The following RAB5IF variants were observed in gnomAD, a reference collection of about 807,000 sequenced individuals.
The protein encoded by RAB5IF is RAB5 interacting factor.
In RAB5IF, 15 loss-of-function variants were observed where a neutral mutation model predicts 20.3. The observed-to-expected ratio is 0.74, with a 90% CI of 0.50 to 1.14. RAB5IF has a LOEUF of 1.14. Ranked by LOEUF, RAB5IF falls within the 50% of genes most tolerant of loss-of-function variation. The pLI is 0.00. For missense variants in RAB5IF, 148 were observed against 159.5 expected, an observed-to-expected ratio of 0.93 and a Z score of 0.39; for synonymous variants, 67 against 63.7, an observed-to-expected ratio of 1.05 and a Z score of -0.25.
chr20:36,606,896 A>C (rs1311251281), intron 1 of RAB5IF, among the ~76,000 whole-genome samples: 1 of 152,116 alleles, frequency 6.6e-6, no homozygotes, highest in Non-Finnish European at 1.5e-5. Flanking sequence ...TTCCTTCCTG[A>C]AGTTCCTGTA....
At chr20:36,609,108 TGGCTTATCA>T (rs1302000683) in intron 2 of RAB5IF, among the ~76,000 whole-genome samples, 1 of 150,300 alleles carries the variant, frequency 6.7e-6, no homozygotes, top group African/African-American at 2.5e-5. Context: ...CCGCTTGGGA[TGGCTTATCA>T]GCCATTCTGT....
intron 2 of RAB5IF, among the ~76,000 whole-genome samples, chr20:36,609,219 G>GCACACACACACA (rs1555790838): frequency 4.7e-5 from 2 of 42,770 alleles, no homozygotes; most frequent in Non-Finnish European, 8.9e-5. Flanking sequence ...ACGCACACAC[G>GCACACACACACA]CACACACACA....
intron 3 of RAB5IF, among the ~76,000 whole-genome samples, chr20:36,610,322 A>G (rs2039076997): frequency 6.6e-6 from 1 of 152,090 alleles, no homozygotes; most frequent in Non-Finnish European, 1.5e-5. Context: ...TAATAGCTAA[A>G]AAGTACAAAC....
chr20:36,609,911 T>A, intron 3 of RAB5IF, 181 bp downstream of exon 3: 1 of 960,008 alleles, frequency 1.0e-6, no homozygotes, highest in Non-Finnish European at 1.6e-6. Context: ...TCTGATATAC[T>A]GTACAGTCCC....
At chr20:36,607,872 C>T (rs780644261) in intron 2 of RAB5IF, 54 bp downstream of exon 2, 101 of 1,605,252 alleles carry the variant, frequency 6.3e-5, no homozygotes, top group Non-Finnish European at 7.8e-5. Context: ...TAAATAGAGG[C>T]TTTTTTTCCT....
chr20:36,608,044 C>G (rs1196227840), intron 2 of RAB5IF: 28 of 1,250,166 alleles, frequency 2.2e-5, no homozygotes, highest in Admixed American at 1.1e-4. Flanking sequence ...CTGGGCCAGT[C>G]CATTCATTCA....
intron 2 of RAB5IF, among the ~76,000 whole-genome samples, chr20:36,609,160 C>G (rs13037783): frequency 9.1e-5 from 5 of 55,140 alleles, no homozygotes; most frequent in Non-Finnish European, 1.9e-4. Flanking sequence ...CTATATTACA[C>G]ACACACACAC....
intron 2 of RAB5IF, among the ~76,000 whole-genome samples, chr20:36,608,437 G>T (rs1230102679): frequency 6.6e-6 from 1 of 151,626 alleles, no homozygotes; most frequent in Non-Finnish European, 1.5e-5. Flanking sequence ...TAGAGACAAG[G>T]TTTCTCTACA....
At chr20:36,608,397 A>G (rs558794212) in intron 2 of RAB5IF, among the ~76,000 whole-genome samples, 2 of 151,968 alleles carry the variant, frequency 1.3e-5, no homozygotes, top group East Asian at 1.9e-4. Flanking sequence ...GGTGTGAGCC[A>G]CCACACCTGG....
chr20:36,608,074 T>C, intron 2 of RAB5IF: 1 of 820,850 alleles, frequency 1.2e-6, no homozygotes, highest in East Asian at 4.5e-5. Flanking sequence ...AGTGACCTCA[T>C]GCAAGAGGCT....
intron 2 of RAB5IF, chr20:36,608,096 T>A: frequency 1.7e-6 from 1 of 595,942 alleles, no homozygotes; most frequent in East Asian, 5.3e-5. Context: ...TGACTACTTG[T>A]TCGTGGCATG....
chr20:36,607,633 C>T (rs1470568149), intron 1 of RAB5IF, 82 bp from the exon 2 acceptor site: 1 of 1,536,028 alleles, frequency 6.5e-7, no homozygotes, highest in African/African-American at 1.4e-5. Context: ...ATATGTTTAG[C>T]AGAAAGGTTT....
chr20:36,609,247 ACACACACAC>A (rs1568595745), intron 2 of RAB5IF, among the ~76,000 whole-genome samples: 30 of 134,154 alleles, frequency 2.2e-4, no homozygotes, highest in African/African-American at 7.2e-4. Context: ...ACACACACAC[ACACACACAC>A]TATATATAGA....
chr20:36,608,585 A>C (rs2147958786), intron 2 of RAB5IF, among the ~76,000 whole-genome samples: 1 of 135,552 alleles, frequency 7.4e-6, no homozygotes, highest in Non-Finnish European at 1.6e-5. Context: ...TTTTTTAAAG[A>C]CAGAGTCTTT....
chr20:36,609,201 A>ACACC (rs2039029060), intron 2 of RAB5IF, among the ~76,000 whole-genome samples: 1 of 59,458 alleles, frequency 1.7e-5, no homozygotes, highest in Non-Finnish European at 3.2e-5. Flanking sequence ...ACACGCACAC[A>ACACC]CGCACACACG....
At chr20:36,606,676 G>A (rs1036565478) in intron 1 of RAB5IF, among the ~76,000 whole-genome samples, 1 of 152,206 alleles carries the variant, frequency 6.6e-6, no homozygotes, top group African/African-American at 2.4e-5. Flanking sequence ...CTGGGTGAGT[G>A]TGAGGTGTGG....
At chr20:36,607,904 G>T (rs749302043) in intron 2 of RAB5IF, 86 bp downstream of exon 2, 5 of 1,576,154 alleles carry the variant, frequency 3.2e-6, no homozygotes, top group Non-Finnish European at 4.3e-6. Context: ...GGCCATTGCT[G>T]CTCTGGAGCT....
At chr20:36,609,576 T>G (rs1047359849) in intron 2 of RAB5IF, 25 bp from the exon 3 acceptor site, 25 of 1,553,032 alleles carry the variant, frequency 1.6e-5, no homozygotes, top group Non-Finnish European at 2.1e-5. Context: ...AATTTATGTT[T>G]GGTACTTGTT....
In RAB5IF at chr20:36,609,228, CACA is replaced by C. The variant is rs2039037095; in HGVS notation, c.219-372_219-370del. ...GCACACACGCACACACGCACACACACACACACACACACACACACACACACACAC... is the reference window on the plus strand; with the variant it reads ...GCACACACGCACACACGCACACACACCACACACACACACACACACACACAC... On this transcript the variant is annotated intron_variant, in intron 2 of 3. Coordinates refer to ENST00000344795, the MANE Select transcript of RAB5IF (RefSeq NM_018840.5). 1.6e-5 allele frequency among the ~76,000 whole-genome samples: 2 copies of C among 125,202 alleles called. 1 individual carries two copies. Among genetic ancestry groups the C allele is most frequent in the African/African-American group, 6.9e-5 (2 of 28,970 alleles). 82.1% of individuals were successfully genotyped at this position (125,202 alleles called of 152,430 possible).
Sources: gnomAD v4.1 joint callset for allele counts (sites outside exome capture counted in the v4.1 genomes callset) on GRCh38, gnomAD v4.1.1 for gene constraint, MANE v1.5 for transcripts, NCBI Gene and HGNC (gene_info 2026-07-23, HGNC 2026-07-21) for gene names.